The following DGKH variants were observed in gnomAD, a reference collection of about 807,000 sequenced individuals.
The protein encoded by DGKH is DAG kinase eta.
DGKH carries 90 observed loss-of-function variants against 159.3 expected under a neutral mutation model. The observed-to-expected ratio is 0.57, with a 90% CI of 0.48 to 0.67. The LOEUF is 0.67. DGKH is among the 30% of genes least tolerant of loss of function. The pLI is 0.00. For synonymous variants in DGKH, 536 were observed against 553.8 expected (o/e 0.97, Z 0.45); for missense variants, 1,181 against 1,506.1 (o/e 0.78, Z 3.57).
chr13:42,149,822 G>C (rs889816552), intron 3 of DGKH, among the ~76,000 whole-genome samples: 8 of 152,202 alleles, frequency 5.3e-5, no homozygotes, highest in Non-Finnish European at 1.2e-4. Flanking sequence ...GAGAATAAAA[G>C]GGGAGACCTT....
At chr13:42,207,058 CTTCCTTCTTTCTTTCTTTCT>C (rs1300630309) in intron 21 of DGKH, among the ~76,000 whole-genome samples, 16 of 27,852 alleles carry the variant, frequency 5.7e-4, no homozygotes, top group African/African-American at 1.4e-3. Flanking sequence ...TCCTTCTTTC[CTTCCTTCTTTCTTTCTTTCT>C]TTCTTTCTTT....
intron 12 of DGKH, among the ~76,000 whole-genome samples, chr13:42,176,750 A>G (rs904426095): frequency 3.9e-5 from 6 of 152,228 alleles, no homozygotes; most frequent in African/African-American, 1.2e-4. Context: ...TGAGTCAGGC[A>G]GAAGAGCATA....
At chr13:42,131,868 G>A (rs1955297601) in intron 3 of DGKH, among the ~76,000 whole-genome samples, 1 of 152,230 alleles carries the variant, frequency 6.6e-6, no homozygotes, top group South Asian at 2.1e-4. Flanking sequence ...AAGAGTAGGG[G>A]ACAGCTTTGG....
At chr13:42,102,921 G>A (rs2137778708) in intron 1 of DGKH, among the ~76,000 whole-genome samples, 1 of 152,314 alleles carries the variant, frequency 6.6e-6, no homozygotes, top group East Asian at 1.9e-4. Context: ...TTGGGACAAT[G>A]ACTATACTGA....
At chr13:42,218,558 G>A (rs1957872828) in intron 26 of DGKH, among the ~76,000 whole-genome samples, 1 of 148,232 alleles carries the variant, frequency 6.7e-6, no homozygotes, top group Non-Finnish European at 1.5e-5. Flanking sequence ...ACCCAGGCTG[G>A]AGTGCAGTGG....
chr13:42,162,876 T>C (rs12430054), intron 7 of DGKH, among the ~76,000 whole-genome samples: 17,562 of 151,724 alleles, frequency 0.12, 1,536 homozygotes, highest in East Asian at 0.42. Flanking sequence ...TTAATTATTA[T>C]TATACTTTTA....
intron 1 of DGKH, among the ~76,000 whole-genome samples, chr13:42,122,831 A>G (rs1955102778): frequency 6.6e-6 from 1 of 152,186 alleles, no homozygotes; most frequent in African/African-American, 2.4e-5. Flanking sequence ...ACCTATATAG[A>G]TGAATAGGAG....
intron 13 of DGKH, among the ~76,000 whole-genome samples, chr13:42,181,148 G>A (rs1056586502): frequency 6.6e-6 from 1 of 151,742 alleles, no homozygotes; most frequent in Non-Finnish European, 1.5e-5. Flanking sequence ...GTGATGGTGG[G>A]CGCCTGTAGT....
At chr13:42,166,425 T>TA in intron 8 of DGKH, 90 bp from the exon 9 acceptor site, 1 of 1,216,490 alleles carries the variant, frequency 8.2e-7, no homozygotes, top group Non-Finnish European at 1.1e-6. Context: ...CTCCAGTTTT[T>TA]ATGAATTTAT....
At chr13:42,144,651 T>G (rs1955672698) in intron 3 of DGKH, among the ~76,000 whole-genome samples, 1 of 151,558 alleles carries the variant, frequency 6.6e-6, no homozygotes. Flanking sequence ...CACTGCACTC[T>G]TGCTTGGGTG....
At chr13:42,181,780 C>T (rs1956771586) in intron 13 of DGKH, 4 of 582,224 alleles carry the variant, frequency 6.9e-6, no homozygotes, top group East Asian at 1.6e-4. Context: ...TGCCAGGATG[C>T]AGCAGCAGGA....
chr13:42,061,914 A>G (rs1257845517), intron 1 of DGKH, among the ~76,000 whole-genome samples: 1 of 152,122 alleles, frequency 6.6e-6, no homozygotes, highest in East Asian at 1.9e-4. Context: ...GTTCTATCAT[A>G]TAGCTGGTGT....
At position 42,237,383 on chromosome 13, in the gene DGKH, A is replaced by G. The variant is rs1036942328; in HGVS notation, c.*8195A>G. On this transcript the variant is annotated 3_prime_UTR_variant, in exon 30 of 30. Transcript: ENST00000337343. ...ATATTAATTTTACTGTTGCACAAGC[A>G]GTTATTGGAAGTGGGGGAAAAAAAG... The G allele has an allele frequency of 1.5e-5, 2 of 131,600 alleles. No individual in the cohort carries two copies. Among genetic ancestry groups the G allele is most frequent in the African/African-American group, 2.8e-5 (1 of 35,226 alleles). 8.2% of individuals were successfully genotyped at this position (131,600 alleles called of 1,614,324 possible). A position where few individuals can be genotyped will look rare whatever the true frequency, so the allele number is the denominator to read the frequency against.
At chr13:42,079,799 G>A (rs1954166856) in intron 1 of DGKH, among the ~76,000 whole-genome samples, 1 of 152,148 alleles carries the variant, frequency 6.6e-6, no homozygotes, top group Admixed American at 6.5e-5. Flanking sequence ...ACCACAGTTT[G>A]TGCACTTCTG....
chr13:42,040,445 A>T (rs1447759119), intron 1 of DGKH, among the ~76,000 whole-genome samples: 1 of 151,350 alleles, frequency 6.6e-6, no homozygotes, highest in Non-Finnish European at 1.5e-5. Flanking sequence ...TCCGCGCCTT[A>T]TAAGGCCTGA....
At chr13:42,091,716 ACAACT>A (rs1954422040) in intron 1 of DGKH, among the ~76,000 whole-genome samples, 1 of 152,224 alleles carries the variant, frequency 6.6e-6, no homozygotes, top group East Asian at 1.9e-4. Context: ...AGGAACTCAA[ACAACT>A]CAATAACAAC....
At chr13:42,060,263 C>G (rs570515003) in intron 1 of DGKH, among the ~76,000 whole-genome samples, 13 of 152,158 alleles carry the variant, frequency 8.5e-5, no homozygotes, top group Non-Finnish European at 1.2e-4. Flanking sequence ...ATCCCTGATT[C>G]CTTTATCTAT....
intron 1 of DGKH, among the ~76,000 whole-genome samples, chr13:42,040,522 G>A (rs1417295136): frequency 1.3e-5 from 2 of 151,606 alleles, no homozygotes; most frequent in Non-Finnish European, 2.9e-5. Context: ...GGGGCGGGTA[G>A]CGGGGAGGAA....
intron 1 of DGKH, among the ~76,000 whole-genome samples, chr13:42,118,041 C>T (rs1954995596): frequency 1.3e-5 from 2 of 152,116 alleles, no homozygotes; most frequent in South Asian, 4.2e-4. Flanking sequence ...CATGGTGAAA[C>T]CCCGTCTCTA....
Sources: allele counts gnomAD v4.1 joint callset (sites outside exome capture counted in the v4.1 genomes callset), GRCh38; gene constraint gnomAD v4.1.1; transcripts MANE v1.5; gene names NCBI Gene and HGNC (gene_info 2026-07-23, HGNC 2026-07-21).